Variants in PKHD1L1 observed in about 807,000 individuals in gnomAD.
PKHD1L1 encodes the protein fibrocystin-L.
A neutral mutation model predicts 462.9 loss-of-function variants in PKHD1L1; 434 were observed. The observed-to-expected ratio is 0.94, with a 90% CI of 0.87 to 1.02. The LOEUF is 1.02. PKHD1L1 is among the 50% of genes least tolerant of loss of function. The probability of loss-of-function intolerance (pLI) is 0.00; values close to 1 mark genes in which losing one functional copy is unlikely to be tolerated. For missense variants in PKHD1L1, 5,202 were observed against 5,096.1 expected (o/e 1.02, Z -0.63); for synonymous variants, 1,781 against 1,750.0 (o/e 1.02, Z -0.44).
At chr8:109,378,106 C>A (rs1811930090) in intron 2 of PKHD1L1, among the ~76,000 whole-genome samples, 1 of 152,110 alleles carries the variant, frequency 6.6e-6, no homozygotes, top group African/African-American at 2.4e-5. Flanking sequence ...TTCTAGCTAC[C>A]AACACATTTC....
At position 109,454,719 on chromosome 8, in the gene PKHD1L1, G is replaced by A; in HGVS notation, c.6745-4G>A. The A allele has an allele frequency of 3.1e-6, 5 of 1,612,468 alleles. No individual in the cohort carries two copies. The highest frequency in any genetic ancestry group is 4.2e-6 in the Non-Finnish European group (5 of 1,179,226). On this transcript the variant is annotated splice_polypyrimidine_tract_variant and splice_region_variant and intron_variant, in intron 44 of 77. Coordinates refer to ENST00000378402, the MANE Select transcript of PKHD1L1 (RefSeq NM_177531.6). ...CTGAATGGCATTTGTGACATCTTTT[G>A]CAGATTGGAACAGAGACATCCCCAT...
intron 28 of PKHD1L1, 33 bp from the exon 29 acceptor site, chr8:109,435,156 AC>A (rs772401508): frequency 3.0e-5 from 48 of 1,608,444 alleles, no homozygotes; most frequent in Non-Finnish European, 4.1e-5. Flanking sequence ...CATTTGATTT[AC>A]CATTTTCTTC....
chr8:109,528,513 C>T lies in PKHD1L1; in HGVS notation c.12721+1493C>T, dbSNP rs1820927134. Among the ~76,000 whole-genome samples the T allele has an allele frequency of 2.0e-5, 3 of 152,242 alleles. No homozygotes were observed. In the South Asian group the frequency reaches 6.2e-4, roughly 32 times the overall value. On this transcript the variant is annotated intron_variant, in intron 77 of 77. Coordinates refer to ENST00000378402, the MANE Select transcript of PKHD1L1 (RefSeq NM_177531.6). Reference sequence around the variant, plus strand: ...CATTTCCAGAAAGAATTCTCTCCACCCTACATATTCCCTATATCTATACCT... The same window carrying T: ...CATTTCCAGAAAGAATTCTCTCCACTCTACATATTCCCTATATCTATACCT...
rs768349010 is a variant in PKHD1L1 at position 109,445,307 on chromosome 8, G to A, written c.5438G>A (p.Ser1813Asn). 111 of 1,613,830 alleles carry A rather than the reference G, an allele frequency of 6.9e-5. No individual in the cohort carries two copies. Among genetic ancestry groups the A allele is most frequent in the Non-Finnish European group, 9.2e-5 (108 of 1,179,884 alleles). The change falls in exon 38 of 78, where the codon AGT becomes AAT. Residue 1813 changes from serine to asparagine, a missense_variant. This residue lies in a region of PKHD1L1 where 4,497 missense variants were observed against 4,336.8 expected (regional missense o/e 1.04). Coordinates refer to ENST00000378402, the MANE Select transcript of PKHD1L1 (RefSeq NM_177531.6). ...CTCCCAGTTGGACATCATTCTGTTA[G>A]TGTTGTGGTGGGAAGTAAAGGCTTG... Reference protein sequence around the residue: ...TPLPVGHHSVSVVVGSKGLAL... With the variant: ...TPLPVGHHSVNVVVGSKGLAL...
intron 2 of PKHD1L1, among the ~76,000 whole-genome samples, chr8:109,379,003 C>T (rs979724311): frequency 3.3e-5 from 5 of 152,234 alleles, no homozygotes; most frequent in South Asian, 2.1e-4. Context: ...CTGTGGCCAC[C>T]GCAGTGCTAG....
intron 73 of PKHD1L1, 55 bp downstream of exon 73, chr8:109,518,563 T>C: frequency 7.1e-7 from 1 of 1,413,510 alleles, no homozygotes; most frequent in Non-Finnish European, 9.6e-7. Flanking sequence ...TCCATATCCA[T>C]AAATAACCTG....
Position 109,458,015 on chromosome 8 carries a change from A to G in PKHD1L1, c.7005-1580A>G, listed in dbSNP as rs117409564. Among the ~76,000 whole-genome samples, 121 of 151,458 alleles carry G rather than the reference A, an allele frequency of 8.0e-4. 1 individual carries two copies. In the East Asian group the frequency reaches 0.017, roughly 21 times the overall value. ...TTTGGAATGATTCTTGTCCCCATCC[A>G]CCCATTGTCTTGATAAACAGCTTTG... On this transcript the variant is annotated intron_variant, in intron 46 of 77. Transcript: ENST00000378402.
intron 8 of PKHD1L1, among the ~76,000 whole-genome samples, chr8:109,389,996 C>T (rs1165097149): frequency 6.6e-6 from 1 of 151,838 alleles, no homozygotes; most frequent in Non-Finnish European, 1.5e-5. Context: ...AGCATTATCA[C>T]AATTTTTAGT....
intron 59 of PKHD1L1, among the ~76,000 whole-genome samples, chr8:109,488,761 A>C (rs1417150031): frequency 2.0e-5 from 3 of 152,000 alleles, no homozygotes; most frequent in Admixed American, 6.6e-5. Context: ...GCTGCTGCTG[A>C]TAATGATGGT....
In PKHD1L1 at chr8:109,429,341, T is replaced by C. The variant is rs1260793496; in HGVS notation, c.3002T>C (p.Ile1001Thr). Residue 1001 changes from isoleucine to threonine, a missense_variant and splice_region_variant, in exon 26 of 78, where the codon ATT becomes ACT. By Grantham distance (89) the Ile-to-Thr change is moderately conservative. Transcript: ENST00000378402. ...TAAAATAATTGTGTGTAAAAATAGATTAATGATTCCAACATTATTGGAGAA... is the reference window on the plus strand; with the variant it reads ...TAAAATAATTGTGTGTAAAAATAGACTAATGATTCCAACATTATTGGAGAA... ...STCGKQNLLQINDSNIIGEKA... is the reference protein window; with the variant it reads ...STCGKQNLLQTNDSNIIGEKA... The C allele has an allele frequency of 6.6e-7, 1 of 1,505,398 alleles. No individual in the cohort carries two copies. The highest frequency in any genetic ancestry group is 1.2e-5 in the South Asian group (1 of 83,014). The allele number at this position is 1,505,398 out of a possible 1,614,324, so 93.3% of individuals were successfully genotyped here. A position where few individuals can be genotyped will look rare whatever the true frequency, so the allele number is the denominator to read the frequency against.
In PKHD1L1 at chr8:109,508,087, A is replaced by G. The variant is rs1586642836; in HGVS notation, c.11228-10A>G. On this transcript the variant is annotated splice_polypyrimidine_tract_variant and intron_variant, in intron 69 of 77. Transcript: ENST00000378402. Reference sequence around the variant, plus strand: ...TATTATTGCTAAAATATATATACATATGTTTCTAGGAATTATTAGAGATTC... The same window carrying G: ...TATTATTGCTAAAATATATATACATGTGTTTCTAGGAATTATTAGAGATTC... The G allele has an allele frequency of 1.9e-6, 3 of 1,592,182 alleles. No homozygotes were observed. In the East Asian group the frequency reaches 6.7e-5, roughly 36 times the overall value.
intron 72 of PKHD1L1, among the ~76,000 whole-genome samples, chr8:109,516,519 A>G (rs1820278091): frequency 6.6e-6 from 1 of 152,046 alleles, no homozygotes; most frequent in Non-Finnish European, 1.5e-5. Context: ...TCCAAATATC[A>G]TCACCTTGAA....
At chr8:109,408,518 C>T (rs555408878) in intron 18 of PKHD1L1, among the ~76,000 whole-genome samples, 3 of 152,212 alleles carry the variant, frequency 2.0e-5, no homozygotes, top group Middle Eastern at 3.4e-3. Flanking sequence ...ACTCAACATC[C>T]AATTTGTTAT....
At position 109,503,587 on chromosome 8, in the gene PKHD1L1, T is replaced by C. The variant is rs1563617785; in HGVS notation, c.10829-740T>C. Among the ~76,000 whole-genome samples the C allele has an allele frequency of 3.3e-5, 5 of 152,248 alleles. No individual in the cohort carries two copies. The South Asian group carries it at 1.0e-3, about 32-fold the overall frequency. On this transcript the variant is annotated intron_variant, in intron 67 of 77. Coordinates refer to ENST00000378402, the MANE Select transcript of PKHD1L1 (RefSeq NM_177531.6). ...CCTTTTGCTTTTCTGTTTAGAGTTA[T>C]TGGATTTTAAGTATAATGGAGATTA...
intron 53 of PKHD1L1, among the ~76,000 whole-genome samples, chr8:109,478,764 T>C (rs991088600): frequency 2.0e-5 from 3 of 152,152 alleles, no homozygotes; most frequent in Non-Finnish European, 4.4e-5. Flanking sequence ...CAGAATGTGA[T>C]AAAGGTAAAC....
rs1818278425 is a variant in PKHD1L1, at chr8:109,481,580, C to A, written c.9457+18C>A. The A allele has an allele frequency of 3.3e-6, 5 of 1,536,230 alleles. No homozygotes were observed. The highest frequency in any genetic ancestry group is 2.8e-5 in the African/African-American group (2 of 71,610). On this transcript the variant is annotated intron_variant, in intron 56 of 77. Coordinates refer to ENST00000378402, the MANE Select transcript of PKHD1L1 (RefSeq NM_177531.6). ...GGTCTTAGGTGTGTGTCTACAGATACCAAAAGTGTCACATCTGTTTTAAGA... is the reference window on the plus strand; with the variant it reads ...GGTCTTAGGTGTGTGTCTACAGATAACAAAAGTGTCACATCTGTTTTAAGA...
At position 109,493,761 on chromosome 8, in the gene PKHD1L1, T is replaced by C. The variant is rs1223533791; in HGVS notation, c.10327+10T>C. 1.9e-6 allele frequency: 3 copies of C among 1,565,414 alleles called. No homozygotes were observed. Among genetic ancestry groups the C allele is most frequent in the Admixed American group, 3.8e-5 (2 of 52,788 alleles). On this transcript the variant is annotated intron_variant, in intron 63 of 77. Coordinates refer to ENST00000378402, the MANE Select transcript of PKHD1L1 (RefSeq NM_177531.6). The stretch of plus-strand genomic sequence containing the variant: ...GGTGAACCTTGCCCAGGTAAGTCTT[T>C]TAAACCAGGAATCGCTAAAACTAGG...
At chr8:109,435,377 G>A in intron 29 of PKHD1L1, 23 bp downstream of exon 29, 2 of 1,595,404 alleles carry the variant, frequency 1.3e-6, no homozygotes, top group Middle Eastern at 1.7e-4. Flanking sequence ...AGTTTAAACA[G>A]AGAGAAAATT....
chr8:109,482,372 A>T (rs1482282875), intron 56 of PKHD1L1, among the ~76,000 whole-genome samples: 1 of 151,854 alleles, frequency 6.6e-6, no homozygotes, highest in Non-Finnish European at 1.5e-5. Flanking sequence ...AACAACATAG[A>T]ACAGTATGAA....
Sources: allele counts gnomAD v4.1 joint callset (sites outside exome capture counted in the v4.1 genomes callset), GRCh38; gene constraint gnomAD v4.1.1; regional missense constraint gnomAD v4.1.1; transcripts MANE v1.5; gene names NCBI Gene and HGNC (gene_info 2026-07-23, HGNC 2026-07-21).